The following RGS7 variants were observed in gnomAD, a reference collection of about 807,000 sequenced individuals.
RGS7 encodes regulator of G protein signaling 7, also known as regulator of G-protein signaling 7.
In RGS7, 27 loss-of-function variants were observed where a neutral mutation model predicts 81.1. The ratio of observed to expected loss-of-function variants is 0.33; its 90% confidence interval spans 0.25 to 0.46. The LOEUF is 0.46. Ranked by LOEUF, RGS7 falls within the 20% of genes least tolerant of loss-of-function variation. The probability of loss-of-function intolerance (pLI) is 1.00; values close to 1 mark genes in which losing one functional copy is unlikely to be tolerated. For missense variants in RGS7, 396 were observed against 607.4 expected, an observed-to-expected ratio of 0.65 and a Z score of 3.66; for synonymous variants, 208 against 207.7, an observed-to-expected ratio of 1.00 and a Z score of -0.01.
chr1:240,896,079 T>C (rs914175143), intron 6 of RGS7, among the ~76,000 whole-genome samples: 1 of 152,238 alleles, frequency 6.6e-6, no homozygotes, highest in African/African-American at 2.4e-5. Flanking sequence ...GCTGCATAAA[T>C]GTCTTCTTTT....
chr1:240,994,794 T>G (rs1687024507), intron 3 of RGS7, among the ~76,000 whole-genome samples: 1 of 152,048 alleles, frequency 6.6e-6, no homozygotes, highest in Non-Finnish European at 1.5e-5. Context: ...ATTATTACTA[T>G]TATTATTTGA....
chr1:241,288,588 A>G (rs1368235843), intron 2 of RGS7, among the ~76,000 whole-genome samples: 1 of 152,044 alleles, frequency 6.6e-6, no homozygotes, highest in Non-Finnish European at 1.5e-5. Context: ...ATCCCCAGAC[A>G]CCCCAGATGG....
chr1:240,853,018 T>C (rs1231841668), intron 9 of RGS7, among the ~76,000 whole-genome samples: 1 of 152,216 alleles, frequency 6.6e-6, no homozygotes, highest in Non-Finnish European at 1.5e-5. Flanking sequence ...GGTTGCTAAG[T>C]AACCACACAA....
At chr1:241,331,719 T>C (rs762814139) in intron 2 of RGS7, among the ~76,000 whole-genome samples, 4 of 152,210 alleles carry the variant, frequency 2.6e-5, no homozygotes, top group Non-Finnish European at 4.4e-5. Flanking sequence ...ACAATTTTAC[T>C]GTCAGCTGGA....
chr1:241,188,421 T>G lies in RGS7; in HGVS notation c.79-89659A>C, dbSNP rs546198423. 2.6e-5 allele frequency among the ~76,000 whole-genome samples: 4 copies of G among 152,200 alleles called. No homozygotes were observed. In the South Asian group the frequency reaches 8.3e-4, roughly 32 times the overall value. Reference sequence around the variant, plus strand: ...TTGAGTGGGTTTTCAGAAAAAAAAGTATTCAATAAACAGGAAATATGTGCA... The same window carrying G: ...TTGAGTGGGTTTTCAGAAAAAAAAGGATTCAATAAACAGGAAATATGTGCA... On this transcript the variant is annotated intron_variant, in intron 2 of 18. Transcript: ENST00000440928.
chr1:241,247,422 G>A (rs1018623014), intron 2 of RGS7, among the ~76,000 whole-genome samples: 2 of 152,130 alleles, frequency 1.3e-5, no homozygotes, highest in Non-Finnish European at 2.9e-5. Context: ...GGGGCCTGCC[G>A]CTCCACACCT....
intron 3 of RGS7, among the ~76,000 whole-genome samples, chr1:241,092,820 T>C (rs1254989007): frequency 6.7e-6 from 1 of 148,268 alleles, no homozygotes; most frequent in African/African-American, 2.5e-5. Flanking sequence ...CAATTTACAA[T>C]ATAGCCCCCA....
intron 9 of RGS7, among the ~76,000 whole-genome samples, chr1:240,846,886 T>G (rs555802735): frequency 1.3e-5 from 2 of 152,244 alleles, no homozygotes; most frequent in African/African-American, 4.8e-5. Flanking sequence ...ACCATGTGAA[T>G]GAAGTGAACC....
intron 4 of RGS7, among the ~76,000 whole-genome samples, chr1:240,967,568 T>TTG (rs1331645254): frequency 1.9e-5 from 1 of 54,000 alleles, no homozygotes; most frequent in East Asian, 5.8e-4. Context: ...TGCCAAGAAG[T>TTG]GGGGGGGGGG....
chr1:241,209,630 GT>G (rs1185523175), intron 2 of RGS7, among the ~76,000 whole-genome samples: 1 of 152,096 alleles, frequency 6.6e-6, no homozygotes, highest in Non-Finnish European at 1.5e-5. Flanking sequence ...GAACCCAGGA[GT>G]TTGAGACCAG....
chr1:241,215,642 T>G (rs549474612), intron 2 of RGS7, among the ~76,000 whole-genome samples: 3 of 152,210 alleles, frequency 2.0e-5, no homozygotes. Context: ...TCAAAAATTT[T>G]TTTTGGCCTC....
At chr1:241,225,141 C>A (rs2075246516) in intron 2 of RGS7, among the ~76,000 whole-genome samples, 2 of 152,154 alleles carry the variant, frequency 1.3e-5, no homozygotes, top group Non-Finnish European at 2.9e-5. Context: ...TCTCATTCCT[C>A]ATCCCCCTTG....
intron 3 of RGS7, among the ~76,000 whole-genome samples, chr1:241,029,189 A>G (rs888937964): frequency 1.3e-5 from 2 of 152,150 alleles, no homozygotes; most frequent in African/African-American, 4.8e-5. Context: ...GAACAAATCC[A>G]AGAATTTCCT....
At chr1:241,204,767 A>C in intron 2 of RGS7, among the ~76,000 whole-genome samples, 1 of 151,946 alleles carries the variant, frequency 6.6e-6, no homozygotes. Context: ...TGGGGTTTTC[A>C]CTAATGTTTT....
chr1:240,995,308 G>A (rs1218669480), intron 3 of RGS7, among the ~76,000 whole-genome samples: 3 of 152,058 alleles, frequency 2.0e-5, no homozygotes, highest in Admixed American at 6.6e-5. Context: ...TTTTCTCTAC[G>A]TTATTTTTCT....
At chr1:241,114,496 TA>T (rs377633335) in intron 2 of RGS7, among the ~76,000 whole-genome samples, 7 of 149,710 alleles carry the variant, frequency 4.7e-5, no homozygotes, top group Non-Finnish European at 7.4e-5. Flanking sequence ...ACTTCCACAT[TA>T]AAAAAAAAAT....
chr1:241,078,501 G>A (rs1017647939), intron 3 of RGS7, among the ~76,000 whole-genome samples: 1 of 151,276 alleles, frequency 6.6e-6, no homozygotes, highest in African/African-American at 2.4e-5. Context: ...GTGTGTGTGT[G>A]TATATACACA....
chr1:241,284,415 G>T (rs1039592588), intron 2 of RGS7, among the ~76,000 whole-genome samples: 3 of 151,952 alleles, frequency 2.0e-5, no homozygotes, highest in Non-Finnish European at 4.4e-5. Context: ...GGGTTGTTCT[G>T]GTTCCCTACC....
chr1:241,043,709 A>G (rs2060756229), intron 3 of RGS7, among the ~76,000 whole-genome samples: 1 of 150,796 alleles, frequency 6.6e-6, no homozygotes, highest in African/African-American at 2.4e-5. Flanking sequence ...AAAAAACAAG[A>G]ACAATTAAAA....
Sources: allele counts gnomAD v4.1 joint callset (sites outside exome capture counted in the v4.1 genomes callset), GRCh38; gene constraint gnomAD v4.1.1; transcripts MANE v1.5; gene names NCBI Gene and HGNC (gene_info 2026-07-23, HGNC 2026-07-21).